ELAPOR2: variants seen among roughly 807,000 people sequenced by gnomAD.
ELAPOR2 encodes endosome-lysosome associated apoptosis and autophagy regulator family member 2, also known as endosome/lysosome-associated apoptosis and autophagy regulator family member 2.
ELAPOR2 carries 89 observed loss-of-function variants against 120.7 expected under a neutral mutation model. The ratio of observed to expected loss-of-function variants is 0.74; its 90% confidence interval spans 0.62 to 0.88. The LOEUF is 0.88. Ranked by LOEUF, ELAPOR2 falls within the 40% of genes least tolerant of loss-of-function variation. The pLI is 0.00. For missense variants in ELAPOR2, 1,134 were observed against 1,251.6 expected, an observed-to-expected ratio of 0.91 and a Z score of 1.42; for synonymous variants, 444 against 444.9, an observed-to-expected ratio of 1.00 and a Z score of 0.03.
At chr7:86,974,708 T>C (rs1208290912) in intron 1 of ELAPOR2, among the ~76,000 whole-genome samples, 6 of 151,860 alleles carry the variant, frequency 4.0e-5, no homozygotes, top group Non-Finnish European at 5.9e-5. Context: ...TTCTATATAA[T>C]TATGTATTAT....
intron 8 of ELAPOR2, among the ~76,000 whole-genome samples, chr7:86,928,897 T>C (rs1174008533): frequency 6.6e-6 from 1 of 151,964 alleles, no homozygotes; most frequent in African/African-American, 2.4e-5. Flanking sequence ...CTCTTTCTAA[T>C]GGAGACAGAT....
intron 1 of ELAPOR2, among the ~76,000 whole-genome samples, chr7:87,041,631 C>T (rs1390364426): frequency 6.6e-6 from 1 of 152,026 alleles, no homozygotes; most frequent in Non-Finnish European, 1.5e-5. Context: ...TGAAAAGGAA[C>T]AACTGGTACC....
At chr7:87,048,176 G>A (rs1000940684) in intron 1 of ELAPOR2, among the ~76,000 whole-genome samples, 2 of 151,896 alleles carry the variant, frequency 1.3e-5, no homozygotes, top group African/African-American at 2.4e-5. Flanking sequence ...CCTGGGAGGC[G>A]GAGGTTGCAG....
chr7:87,017,074 T>G (rs548171462), intron 1 of ELAPOR2, among the ~76,000 whole-genome samples: 2 of 152,280 alleles, frequency 1.3e-5, no homozygotes, highest in South Asian at 4.1e-4. Context: ...AAAAGATAAA[T>G]GCCATAATGT....
intron 1 of ELAPOR2, among the ~76,000 whole-genome samples, chr7:87,015,441 C>T (rs1793835790): frequency 6.6e-6 from 1 of 152,154 alleles, no homozygotes. Context: ...TCCTCACTAA[C>T]AAAAATTATA....
At chr7:87,002,233 A>G (rs1170707075) in intron 1 of ELAPOR2, among the ~76,000 whole-genome samples, 1 of 152,160 alleles carries the variant, frequency 6.6e-6, no homozygotes, top group East Asian at 1.9e-4. Context: ...CATGGATTAC[A>G]CTTATGCACA....
chr7:86,977,802 G>T (rs1792330826), intron 1 of ELAPOR2, among the ~76,000 whole-genome samples: 1 of 152,010 alleles, frequency 6.6e-6, no homozygotes, highest in Admixed American at 6.6e-5. Context: ...AATAACCACA[G>T]TTAGGATGCC....
intron 11 of ELAPOR2, 44 bp downstream of exon 11, chr7:86,919,176 G>A: frequency 7.5e-7 from 1 of 1,341,180 alleles, no homozygotes; most frequent in Non-Finnish European, 1.1e-6. Flanking sequence ...GGGGAAACAG[G>A]TGTAAGGATT....
chr7:86,925,443 C>G (rs1790021535), intron 10 of ELAPOR2, 85 bp downstream of exon 10: 1 of 1,389,922 alleles, frequency 7.2e-7, no homozygotes, highest in Non-Finnish European at 1.0e-6. Flanking sequence ...CATACCCATA[C>G]TTGGTATGTT....
At chr7:86,884,728 G>T (rs188280604) in intron 21 of ELAPOR2, among the ~76,000 whole-genome samples, 1 of 152,250 alleles carries the variant, frequency 6.6e-6, no homozygotes, top group Non-Finnish European at 1.5e-5. Context: ...AATCATTTAT[G>T]GGAAGAAACC....
At chr7:86,963,447 G>A (rs1238825296) in intron 2 of ELAPOR2, among the ~76,000 whole-genome samples, 1 of 152,066 alleles carries the variant, frequency 6.6e-6, no homozygotes, top group East Asian at 1.9e-4. Context: ...TGTAGTGTTT[G>A]CCAGTTTTCA....
At chr7:87,026,288 T>A (rs1278389739) in intron 1 of ELAPOR2, among the ~76,000 whole-genome samples, 1 of 152,188 alleles carries the variant, frequency 6.6e-6, no homozygotes, top group East Asian at 1.9e-4. Flanking sequence ...TTAATATGGT[T>A]AGTATGGGAA....
At chr7:86,897,872 G>T (rs570301252) in intron 18 of ELAPOR2, among the ~76,000 whole-genome samples, 15 of 152,232 alleles carry the variant, frequency 9.9e-5, no homozygotes, top group Non-Finnish European at 2.1e-4. Context: ...AGATATTGGT[G>T]TCCTCATGCA....
At chr7:86,949,682 C>T (rs1791157993) in intron 2 of ELAPOR2, among the ~76,000 whole-genome samples, 1 of 152,218 alleles carries the variant, frequency 6.6e-6, no homozygotes, top group African/African-American at 2.4e-5. Flanking sequence ...TCCTGGCACC[C>T]CTTCCAATCT....
At chr7:87,052,959 G>A (rs1047293028) in intron 1 of ELAPOR2, among the ~76,000 whole-genome samples, 3 of 151,934 alleles carry the variant, frequency 2.0e-5, no homozygotes. Flanking sequence ...ACCATGCCCA[G>A]CTGATTTTTT....
Position 86,941,790 on chromosome 7 carries a change from G to C in ELAPOR2, c.741+228C>G, listed in dbSNP as rs149051126. On this transcript the variant is annotated intron_variant, in intron 5 of 21. Transcript: ENST00000450689. Reference sequence around the variant, plus strand: ...AAAGGAAACTAAGAAGAAAGAAAAAGGTAGGAAAAAGACCCTGAAAATTGA... The same window carrying C: ...AAAGGAAACTAAGAAGAAAGAAAAACGTAGGAAAAAGACCCTGAAAATTGA... Among the ~76,000 whole-genome samples, 718 of 152,024 alleles carry C rather than the reference G, an allele frequency of 4.7e-3. 6 individuals are homozygous for C. Among genetic ancestry groups the C allele is most frequent in the African/African-American group, 0.017 (695 of 41,510 alleles).
intron 2 of ELAPOR2, among the ~76,000 whole-genome samples, chr7:86,960,508 C>T (rs1457239056): frequency 6.6e-6 from 1 of 152,158 alleles, no homozygotes; most frequent in Non-Finnish European, 1.5e-5. Flanking sequence ...ACCTCGGCCT[C>T]CCAAAGTGCT....
At chr7:86,925,863 A>G (rs975705369) in intron 9 of ELAPOR2, among the ~76,000 whole-genome samples, 6 of 152,180 alleles carry the variant, frequency 3.9e-5, no homozygotes, top group Non-Finnish European at 8.8e-5. Context: ...ACATACATAC[A>G]TATACTTGAC....
chr7:86,929,034 T>G (rs766467194), intron 8 of ELAPOR2, among the ~76,000 whole-genome samples: 1 of 151,924 alleles, frequency 6.6e-6, no homozygotes, highest in Admixed American at 6.6e-5. Context: ...GATAAAACTA[T>G]GAAATGTCTT....
Sources: allele counts gnomAD v4.1 joint callset (sites outside exome capture counted in the v4.1 genomes callset), GRCh38; gene constraint gnomAD v4.1.1; transcripts MANE v1.5; gene names NCBI Gene and HGNC (gene_info 2026-07-23, HGNC 2026-07-21).